Variants in CRK observed in about 807,000 individuals in gnomAD.
The protein encoded by CRK is adapter molecule crk.
Under a neutral mutation model 29.8 loss-of-function variants are expected in CRK, and 4 were observed. The observed-to-expected ratio is 0.13, with a 90% CI of 0.07 to 0.31. The LOEUF is 0.31. CRK is among the 10% of genes least tolerant of loss of function. CRK has a pLI of 1.00. For missense variants in CRK, 274 were observed against 396.5 expected (o/e 0.69, Z 2.62); for synonymous variants, 153 against 164.9 (o/e 0.93, Z 0.55).
chr17:1,427,086 C>T (rs1333906870), intron 2 of CRK, among the ~76,000 whole-genome samples: 3 of 124,488 alleles, frequency 2.4e-5, no homozygotes, highest in African/African-American at 6.0e-5. Context: ...TCTGACATGC[C>T]CCAGCCAGGC....
chr17:1,440,751 C>A lies in CRK; in HGVS notation c.242-3596G>T, dbSNP rs866783523. Among the ~76,000 whole-genome samples the A allele has an allele frequency of 4.6e-5, 7 of 152,010 alleles. No individual in the cohort carries two copies. The South Asian group carries it at 1.2e-3, about 27-fold the overall frequency. On this transcript the variant is annotated intron_variant, in intron 1 of 2. Transcript: ENST00000300574. ...ACAAACAAACAAACAAACAAAAAAA[C>A]CATTAGCCAGGCAAGGTGGTGCATG...
At chr17:1,453,431 T>C (rs1459193006) in intron 1 of CRK, among the ~76,000 whole-genome samples, 1 of 152,220 alleles carries the variant, frequency 6.6e-6, no homozygotes, top group African/African-American at 2.4e-5. Flanking sequence ...TTTGCCATCA[T>C]GTGACGACAT....
chr17:1,443,679 G>A (rs1381883914), intron 1 of CRK, among the ~76,000 whole-genome samples: 1 of 151,640 alleles, frequency 6.6e-6, no homozygotes, highest in Admixed American at 6.6e-5. Context: ...AATTACAGGC[G>A]TGAGCCACCG....
intron 1 of CRK, among the ~76,000 whole-genome samples, chr17:1,455,501 T>C (rs1409326866): frequency 1.3e-5 from 2 of 152,192 alleles, no homozygotes; most frequent in Admixed American, 6.5e-5. Flanking sequence ...ATTATCGGAT[T>C]CATTCTGGGC....
At chr17:1,455,300 G>C (rs1372830423) in intron 1 of CRK, among the ~76,000 whole-genome samples, 1 of 152,106 alleles carries the variant, frequency 6.6e-6, no homozygotes, top group Non-Finnish European at 1.5e-5. Context: ...TCCTCCACGG[G>C]GGAAGAGAAC....
At chr17:1,439,936 T>G (rs1366459676) in intron 1 of CRK, among the ~76,000 whole-genome samples, 1 of 151,894 alleles carries the variant, frequency 6.6e-6, no homozygotes, top group Non-Finnish European at 1.5e-5. Flanking sequence ...GAGGATCACT[T>G]AAGTGCAGGA....
At chr17:1,444,905 C>T (rs1297397382) in intron 1 of CRK, among the ~76,000 whole-genome samples, 3 of 151,518 alleles carry the variant, frequency 2.0e-5, no homozygotes, top group African/African-American at 4.9e-5. Flanking sequence ...TCCCAGCACT[C>T]TGGGAGGCCG....
chr17:1,431,445 G>A (rs374973790), intron 2 of CRK, among the ~76,000 whole-genome samples: 6 of 152,116 alleles, frequency 3.9e-5, no homozygotes, highest in African/African-American at 1.4e-4. Context: ...GTATCATACC[G>A]GGGCGGTGGC....
chr17:1,424,306 C>T (rs186992131), intron 2 of CRK, among the ~76,000 whole-genome samples: 1 of 152,184 alleles, frequency 6.6e-6, no homozygotes, highest in Admixed American at 6.6e-5. Context: ...ACCTTGTGAT[C>T]CACCTGCCTT....
Position 1,421,161 on chromosome 17 carries a change from A to G in CRK, c.*2352T>C, listed in dbSNP as rs2150895414. The G allele has an allele frequency of 6.6e-6, 1 of 152,350 alleles. No individual in the cohort carries two copies. Among genetic ancestry groups the G allele is most frequent in the African/African-American group, 2.4e-5 (1 of 41,588 alleles). The allele number at this position is 152,350 out of a possible 1,614,324, so 9.4% of individuals were successfully genotyped here. Reference sequence around the variant, plus strand: ...ACTGCCACACTCAACAGTCAAATCCAGCCCAGTGGTTCATGAACGGCCCTG... The same window carrying G: ...ACTGCCACACTCAACAGTCAAATCCGGCCCAGTGGTTCATGAACGGCCCTG... On this transcript the variant is annotated 3_prime_UTR_variant, in exon 3 of 3. Coordinates refer to ENST00000300574, the MANE Select transcript of CRK (RefSeq NM_016823.4).
chr17:1,446,249 T>C (rs2073973934), intron 1 of CRK, among the ~76,000 whole-genome samples: 2 of 152,134 alleles, frequency 1.3e-5, no homozygotes, highest in Non-Finnish European at 2.9e-5. Context: ...GGCTTTCACC[T>C]TCACCTGGAT....
At chr17:1,427,125 T>TG (rs1006100398) in intron 2 of CRK, among the ~76,000 whole-genome samples, 5 of 134,226 alleles carry the variant, frequency 3.7e-5, no homozygotes, top group Non-Finnish European at 7.8e-5. Context: ...CTGTGTCTCT[T>TG]GAAAAAAAAA....
chr17:1,438,194 A>G (rs2073903957), intron 1 of CRK, among the ~76,000 whole-genome samples: 1 of 152,108 alleles, frequency 6.6e-6, no homozygotes, highest in Non-Finnish European at 1.5e-5. Context: ...CAGTGGCACA[A>G]TCACAGCTTA....
At chr17:1,454,362 G>C in intron 1 of CRK, among the ~76,000 whole-genome samples, 1 of 152,116 alleles carries the variant, frequency 6.6e-6, no homozygotes, top group East Asian at 1.9e-4. Flanking sequence ...CCAACCTGGT[G>C]AAACTTCGTC....
Position 1,421,324 on chromosome 17 carries a change from G to A in CRK, c.*2189C>T, listed in dbSNP as rs2073722314. 6.6e-6 allele frequency: 1 copy of A among 152,208 alleles called. No homozygotes were observed. The highest frequency in any genetic ancestry group is 2.1e-4 in the South Asian group (1 of 4,834). 9.4% of individuals were successfully genotyped at this position (152,208 alleles called of 1,614,324 possible). On this transcript the variant is annotated 3_prime_UTR_variant, in exon 3 of 3. Transcript: ENST00000300574. ...AAATAGGAACATTCAAATCAGTTGT[G>A]ACAAGGTTTTTCTACAAGTATTTTT... is the stretch of plus-strand genomic sequence containing the variant.
At chr17:1,444,596 G>GGGGC (rs1555654434) in intron 1 of CRK, among the ~76,000 whole-genome samples, 10 of 24,874 alleles carry the variant, frequency 4.0e-4, no homozygotes, top group Admixed American at 3.3e-3. Flanking sequence ...AAGCCGAAGC[G>GGGGC]GGGGGGGGGA....
rs141331841 is a variant in CRK at position 1,432,054 on chromosome 17, G to C, written c.777+4566C>G. 2.4e-3 allele frequency among the ~76,000 whole-genome samples: 365 copies of C among 152,280 alleles called. 5 individuals are homozygous for C. The highest frequency in any genetic ancestry group is 4.1e-4 in the Non-Finnish European group (28 of 68,022). Reference sequence around the variant, plus strand: ...AAGAGGGAGACCTCACTACAGCAAAGAGACTGATGAGTCTCACCACAGAGG... The same window carrying C: ...AAGAGGGAGACCTCACTACAGCAAACAGACTGATGAGTCTCACCACAGAGG... On this transcript the variant is annotated intron_variant, in intron 2 of 2. Coordinates refer to ENST00000300574, the MANE Select transcript of CRK (RefSeq NM_016823.4).
chr17:1,430,420 G>C (rs888198096), intron 2 of CRK, among the ~76,000 whole-genome samples: 1 of 147,464 alleles, frequency 6.8e-6, no homozygotes, highest in Non-Finnish European at 1.5e-5. Context: ...GCAGTGGCGC[G>C]ATCTTGGCTC....
In CRK at chr17:1,423,540, T is replaced by C. The variant is rs371718957; in HGVS notation, c.888A>G (p.Gln296=). The C allele has an allele frequency of 1.9e-6, 3 of 1,614,114 alleles. No homozygotes were observed. The highest frequency in any genetic ancestry group is 2.2e-5 in the East Asian group (1 of 44,886). The change falls in exon 3 of 3, where the codon CAA becomes CAG. Residue 296 remains glutamine (Q), a synonymous_variant. Coordinates refer to ENST00000300574, the MANE Select transcript of CRK (RefSeq NM_016823.4). ...AGCTGAAGTCCTCATCGGGATTCTG[T>C]TGATCCAGCAGACGGACATGTGTGA... ...FPFTHVRLLD[Q]QNPDEDFS is the part of the protein sequence containing the mutation.
Sources: allele counts gnomAD v4.1 joint callset (sites outside exome capture counted in the v4.1 genomes callset), GRCh38; gene constraint gnomAD v4.1.1; transcripts MANE v1.5; gene names NCBI Gene and HGNC (gene_info 2026-07-23, HGNC 2026-07-21).